The following PKP4 variants were observed in gnomAD, a reference collection of about 807,000 sequenced individuals.
PKP4 encodes the protein plakophilin-4.
A neutral mutation model predicts 145.1 loss-of-function variants in PKP4; 90 were observed. That is an observed-to-expected ratio of 0.62 (90% CI 0.52 to 0.74). The LOEUF (loss-of-function observed/expected upper bound fraction) is 0.74. PKP4 is among the 30% of genes least tolerant of loss of function. PKP4 has a pLI of 0.00. For synonymous variants in PKP4, 563 were observed against 577.2 expected (o/e 0.98, Z 0.35); for missense variants, 1,340 against 1,482.7 (o/e 0.90, Z 1.58).
chr2:158,636,758 A>G (rs1381681047), intron 9 of PKP4, among the ~76,000 whole-genome samples: 1 of 152,112 alleles, frequency 6.6e-6, no homozygotes, highest in East Asian at 1.9e-4. Context: ...CTTCAAATTT[A>G]GTGTTCTTTG....
intron 17 of PKP4, among the ~76,000 whole-genome samples, chr2:158,672,221 G>A (rs1352046138): frequency 6.6e-6 from 1 of 152,200 alleles, no homozygotes; most frequent in Non-Finnish European, 1.5e-5. Context: ...GTAACAATAT[G>A]GAGGTCCTAT....
intron 11 of PKP4, among the ~76,000 whole-genome samples, chr2:158,656,808 A>G (rs972625164): frequency 6.6e-6 from 1 of 152,142 alleles, no homozygotes; most frequent in African/African-American, 2.4e-5. Flanking sequence ...TGGCTTCTAC[A>G]TCCCCTTCCT....
At chr2:158,671,802 C>T (rs149329163) in intron 17 of PKP4, among the ~76,000 whole-genome samples, 257 of 152,166 alleles carry the variant, frequency 1.7e-3, no homozygotes, top group African/African-American at 5.8e-3. Context: ...AGGGGCAGGG[C>T]GCATAATAAT....
intron 1 of PKP4, among the ~76,000 whole-genome samples, chr2:158,488,566 C>T (rs1366511244): frequency 6.6e-6 from 1 of 152,196 alleles, no homozygotes; most frequent in Non-Finnish European, 1.5e-5. Context: ...CACTGTCTCA[C>T]TTACATGCAG....
chr2:158,521,225 G>A (rs1407699779), intron 1 of PKP4, among the ~76,000 whole-genome samples: 2 of 152,096 alleles, frequency 1.3e-5, no homozygotes, highest in Non-Finnish European at 2.9e-5. Flanking sequence ...CATTATTCCA[G>A]GTCCTCACCA....
chr2:158,531,895 A>T (rs1040444449), intron 1 of PKP4, among the ~76,000 whole-genome samples: 1 of 152,200 alleles, frequency 6.6e-6, no homozygotes, highest in Non-Finnish European at 1.5e-5. Flanking sequence ...TGCACAGATA[A>T]ACTAATCAGA....
At chr2:158,529,248 C>T (rs892540076) in intron 1 of PKP4, among the ~76,000 whole-genome samples, 3 of 152,194 alleles carry the variant, frequency 2.0e-5, no homozygotes, top group Non-Finnish European at 4.4e-5. Context: ...ACATTTGTTA[C>T]AAAACCATTA....
intron 1 of PKP4, among the ~76,000 whole-genome samples, chr2:158,469,082 A>G (rs1487650836): frequency 6.6e-6 from 1 of 150,870 alleles, no homozygotes; most frequent in Non-Finnish European, 1.5e-5. Context: ...CCTAGCCAGA[A>G]AATACTTTTT....
chr2:158,601,105 T>G (rs2050188158), intron 3 of PKP4, among the ~76,000 whole-genome samples: 1 of 152,190 alleles, frequency 6.6e-6, no homozygotes, highest in African/African-American at 2.4e-5. Context: ...ATTAAGCATC[T>G]GCTGTGTGCC....
At chr2:158,498,359 A>C (rs576897815) in intron 1 of PKP4, among the ~76,000 whole-genome samples, 3 of 152,346 alleles carry the variant, frequency 2.0e-5, no homozygotes, top group African/African-American at 7.2e-5. Context: ...GGGAAAATCA[A>C]AACCTATCCA....
chr2:158,635,127 T>G (rs531217037), intron 9 of PKP4, among the ~76,000 whole-genome samples: 1 of 152,200 alleles, frequency 6.6e-6, no homozygotes, highest in Non-Finnish European at 1.5e-5. Context: ...ACTGGAAAAT[T>G]GTTATAATTA....
At chr2:158,507,030 G>C (rs909229895) in intron 1 of PKP4, among the ~76,000 whole-genome samples, 1 of 152,184 alleles carries the variant, frequency 6.6e-6, no homozygotes, top group Admixed American at 6.5e-5. Context: ...GAGAATAGTC[G>C]TGTGATTCTC....
intron 2 of PKP4, among the ~76,000 whole-genome samples, chr2:158,551,535 G>T (rs1002534866): frequency 1.3e-5 from 2 of 152,090 alleles, no homozygotes; most frequent in Admixed American, 1.3e-4. Context: ...AGTTAAAAGA[G>T]ATAACAGCCA....
At chr2:158,586,826 G>C (rs957410532) in intron 3 of PKP4, among the ~76,000 whole-genome samples, 1 of 152,034 alleles carries the variant, frequency 6.6e-6, no homozygotes, top group Non-Finnish European at 1.5e-5. Context: ...GTTTCAACTG[G>C]GACATACAAA....
At chr2:158,677,873 G>GTATC (rs2058141888) in intron 20 of PKP4, among the ~76,000 whole-genome samples, 2 of 152,244 alleles carry the variant, frequency 1.3e-5, no homozygotes, top group Middle Eastern at 3.4e-3. Flanking sequence ...ATGCCCTTCT[G>GTATC]TATCTTCTTC....
intron 4 of PKP4, among the ~76,000 whole-genome samples, chr2:158,611,680 G>C (rs907349210): frequency 6.6e-6 from 1 of 152,076 alleles, no homozygotes; most frequent in Non-Finnish European, 1.5e-5. Flanking sequence ...GTGTTGTATT[G>C]TACATGTTCA....
At chr2:158,497,743 T>C (rs1695947970) in intron 1 of PKP4, among the ~76,000 whole-genome samples, 1 of 152,238 alleles carries the variant, frequency 6.6e-6, no homozygotes, top group South Asian at 2.1e-4. Context: ...TTAAAGTGCT[T>C]AGCACTGTAT....
intron 1 of PKP4, among the ~76,000 whole-genome samples, chr2:158,474,493 A>G (rs576376281): frequency 2.4e-4 from 36 of 152,332 alleles, no homozygotes; most frequent in African/African-American, 8.7e-4. Context: ...GTTAAGCCCA[A>G]TAAAAAATTT....
At chr2:158,575,189 G>T (rs578227219) in intron 2 of PKP4, among the ~76,000 whole-genome samples, 2 of 152,316 alleles carry the variant, frequency 1.3e-5, no homozygotes, top group African/African-American at 2.4e-5. Context: ...TATGGAGGTT[G>T]TTTCCATGTC....
Sources: gnomAD v4.1 joint callset for allele counts (sites outside exome capture counted in the v4.1 genomes callset) on GRCh38, gnomAD v4.1.1 for gene constraint, MANE v1.5 for transcripts, NCBI Gene and HGNC (gene_info 2026-07-23, HGNC 2026-07-21) for gene names.